Variants in ZNF223 observed in about 807,000 individuals in gnomAD.
The protein encoded by ZNF223 is Homo sapiens zinc finger protein 223.
ZNF223 carries 9 observed loss-of-function variants against 12.3 expected under a neutral mutation model. The observed-to-expected ratio is 0.73, with a 90% CI of 0.44 to 1.28. The LOEUF (loss-of-function observed/expected upper bound fraction) is 1.28. Among genes scored for constraint, ZNF223 ranks in the 50% most tolerant of loss-of-function variants. The probability of loss-of-function intolerance (pLI) is 0.00; values close to 1 mark genes in which losing one functional copy is unlikely to be tolerated. For synonymous variants in ZNF223, 171 were observed against 195.2 expected (o/e 0.88, Z 1.03); for missense variants, 506 against 579.0 (o/e 0.87, Z 1.29).
rs1215989501 is a variant in ZNF223 at position 44,067,435 on chromosome 19, T to C, written c.*158T>C. The C allele has an allele frequency of 8.5e-6, 8 of 936,604 alleles. No individual in the cohort carries two copies. Among genetic ancestry groups the C allele is most frequent in the Non-Finnish European group, 1.3e-5 (8 of 605,170 alleles). 58.0% of individuals were successfully genotyped at this position (936,604 alleles called of 1,614,324 possible). On this transcript the variant is annotated 3_prime_UTR_variant, in exon 5 of 5. Transcript: ENST00000434772. ...ATTGTTCCAGCAGTTTGAAAATAAA[T>C]TGTTGTCGATGATAGTCACCTTTAG...
rs1321631625 is a variant in ZNF223 at position 44,067,322 on chromosome 19, G to C, written c.*45G>C. On this transcript the variant is annotated 3_prime_UTR_variant, in exon 5 of 5. Transcript: ENST00000434772. ...GGTACAGTGTGATATTTAAATATAT[G>C]TATATGATGTATAATGATCAAATCA... The C allele has an allele frequency of 6.7e-7, 1 of 1,496,606 alleles. No homozygotes were observed. The highest frequency in any genetic ancestry group is 1.2e-5 in the South Asian group (1 of 84,920). 92.7% of individuals were successfully genotyped at this position (1,496,606 alleles called of 1,614,324 possible).
intron 2 of ZNF223, among the ~76,000 whole-genome samples, chr19:44,057,921 G>A (rs1419032972): frequency 1.3e-5 from 2 of 152,172 alleles, no homozygotes; most frequent in Non-Finnish European, 2.9e-5. Flanking sequence ...CAGCAGGCGA[G>A]CCCAGAAGCC....
chr19:44,053,998 CAGA>C (rs1976733620), intron 1 of ZNF223, among the ~76,000 whole-genome samples: 1 of 152,118 alleles, frequency 6.6e-6, no homozygotes, highest in African/African-American at 2.4e-5. Context: ...CATCTCAAGG[CAGA>C]AGAATTTTTC....
chr19:44,055,378 T>G (rs1251820962), intron 2 of ZNF223, among the ~76,000 whole-genome samples, 187 bp downstream of exon 2: 2 of 151,952 alleles, frequency 1.3e-5, no homozygotes, highest in Non-Finnish European at 2.9e-5. Context: ...TGTATCGAAC[T>G]TCTGACCTCA....
Position 44,066,447 on chromosome 19 carries a change from G to C in ZNF223, c.619G>C (p.Asp207His). Residue 207 changes from aspartate (D) to histidine (H), a missense_variant, in exon 5 of 5, where the codon GAC (aspartate) becomes CAC (histidine). Transcript: ENST00000434772. ...VHLGEKLFKC[D>H]VCGKEFSQSL... ...CCTGGGAGAGAAACTCTTTAAGTGTGACGTGTGTGGTAAGGAATTCAGTCA... is the reference window on the plus strand; with the variant it reads ...CCTGGGAGAGAAACTCTTTAAGTGTCACGTGTGTGGTAAGGAATTCAGTCA... 5 of 1,614,234 alleles carry C rather than the reference G, an allele frequency of 3.1e-6. No individual in the cohort carries two copies. The highest frequency in any genetic ancestry group is 2.2e-5 in the South Asian group (2 of 91,088).
intron 1 of ZNF223, among the ~76,000 whole-genome samples, chr19:44,052,545 A>G (rs1976715272): frequency 6.6e-6 from 1 of 152,194 alleles, no homozygotes; most frequent in Admixed American, 6.5e-5. Context: ...GTTGCCTGAT[A>G]TTTTAAAACG....
At position 44,066,093 on chromosome 19, in the gene ZNF223, T is replaced by G; in HGVS notation, c.265T>G (p.Phe89Val). ...CAAGATCCAACCTGAGATGAAGACT[T>G]TTCCAGAAGCAGGACCACATGAAGG... ...GGKIQPEMKT[F>V]PEAGPHEGWS... The change falls in exon 5 of 5, where the codon TTT (phenylalanine) becomes GTT (valine). Residue 89 changes from phenylalanine to valine, a missense_variant. Phe to Val is a conservative substitution (Grantham distance 50). Coordinates refer to ENST00000434772, the MANE Select transcript of ZNF223 (RefSeq NM_013361.6). The G allele has an allele frequency of 6.2e-7, 1 of 1,601,198 alleles. No individual in the cohort carries two copies. The highest frequency in any genetic ancestry group is 8.5e-7 in the Non-Finnish European group (1 of 1,175,956).
rs748028377 is a variant in ZNF223, at chr19:44,066,901, A to G, written c.1073A>G (p.Tyr358Cys). 2 of 1,614,064 alleles carry G rather than the reference A, an allele frequency of 1.2e-6. No homozygotes were observed. The highest frequency in any genetic ancestry group is 2.2e-5 in the South Asian group (2 of 91,092). The change falls in exon 5 of 5, where the codon TAT becomes TGT. Residue 358 changes from tyrosine (Y) to cysteine (C), a missense_variant. By Grantham distance (194) the Tyr-to-Cys change is radical. Coordinates refer to ENST00000434772, the MANE Select transcript of ZNF223 (RefSeq NM_013361.6). ...ECGKSFRRSS[Y>C]LLIHQRVHTG... ...GGGAAGAGCTTCAGACGGTCCTCCT[A>G]TCTTTTGATCCATCAGCGAGTCCAC...
At chr19:44,056,585 A>ATTTTTTTTTTTTTTTTTTTTTTTTTTTT (rs775187674) in intron 2 of ZNF223, among the ~76,000 whole-genome samples, 2 of 72,158 alleles carry the variant, frequency 2.8e-5, no homozygotes, top group African/African-American at 1.3e-4. Flanking sequence ...ATGCCTCACC[A>ATTTTTTTTTTTTTTTTTTTTTTTTTTTT]TTTTTTTTTT....
At chr19:44,055,964 G>C (rs1313904898) in intron 2 of ZNF223, among the ~76,000 whole-genome samples, 2 of 152,152 alleles carry the variant, frequency 1.3e-5, no homozygotes, top group Non-Finnish European at 2.9e-5. Context: ...TTCTGCTCAA[G>C]TGAAAGAGAG....
At position 44,061,066 on chromosome 19, in the gene ZNF223, C is replaced by T. The variant is rs561017536; in HGVS notation, c.235+225C>T. The T allele has an allele frequency of 2.2e-4, 107 of 493,950 alleles. 1 individual carries two copies. The highest frequency in any genetic ancestry group is 1.9e-3 in the African/African-American group (100 of 51,880). 30.6% of individuals were successfully genotyped at this position (493,950 alleles called of 1,614,324 possible). ...ACATGGATGTCAGATTGTCATTCCTCAGCTTAAGAGCCTTTCTGTCTTCTT... is the reference window on the plus strand; with the variant it reads ...ACATGGATGTCAGATTGTCATTCCTTAGCTTAAGAGCCTTTCTGTCTTCTT... On this transcript the variant is annotated intron_variant, in intron 4 of 4. Coordinates refer to ENST00000434772, the MANE Select transcript of ZNF223 (RefSeq NM_013361.6).
chr19:44,067,400 T>C lies in ZNF223; in HGVS notation c.*123T>C. Reference sequence around the variant, plus strand: ...TTATCTCTTTTTTGTGTTGAGAAAATTAAAAATTCATTGTTCCAGCAGTTT... The same window carrying C: ...TTATCTCTTTTTTGTGTTGAGAAAACTAAAAATTCATTGTTCCAGCAGTTT... On this transcript the variant is annotated 3_prime_UTR_variant, in exon 5 of 5. Coordinates refer to ENST00000434772, the MANE Select transcript of ZNF223 (RefSeq NM_013361.6). The C allele has an allele frequency of 8.5e-7, 1 of 1,169,870 alleles. No homozygotes were observed. The highest frequency in any genetic ancestry group is 1.2e-6 in the Non-Finnish European group (1 of 811,626). 72.5% of individuals were successfully genotyped at this position (1,169,870 alleles called of 1,614,324 possible).
At chr19:44,055,883 TCTC>T (rs1169308739) in intron 2 of ZNF223, among the ~76,000 whole-genome samples, 1 of 152,140 alleles carries the variant, frequency 6.6e-6, no homozygotes, top group Admixed American at 6.5e-5. Flanking sequence ...CCTGATCTCT[TCTC>T]CTAAACTCAT....
chr19:44,066,579 T>G lies in ZNF223; in HGVS notation c.751T>G (p.Cys251Gly), dbSNP rs1976917642. The change falls in exon 5 of 5, where the codon TGC (cysteine) becomes GGC (glycine). Residue 251 changes from cysteine to glycine, a missense_variant. Coordinates refer to ENST00000434772, the MANE Select transcript of ZNF223 (RefSeq NM_013361.6). ...ATGTAGATCAGCACTTACAGTTCAT[T>G]GCAAATTACACATGGGAGAGAAACA... ...FRCRSALTVH[C>G]KLHMGEKHYN... 6.2e-7 allele frequency: 1 copy of G among 1,614,140 alleles called. No individual in the cohort carries two copies. Among genetic ancestry groups the G allele is most frequent in the Non-Finnish European group, 8.5e-7 (1 of 1,180,014 alleles).
At chr19:44,056,834 A>T (rs1460605414) in intron 2 of ZNF223, among the ~76,000 whole-genome samples, 1 of 151,834 alleles carries the variant, frequency 6.6e-6, no homozygotes, top group East Asian at 1.9e-4. Flanking sequence ...TGACCTCATG[A>T]TCTGCCTGCC....
chr19:44,067,641 G>A lies in ZNF223; in HGVS notation c.*364G>A. 1 of 406,260 alleles carries A rather than the reference G, an allele frequency of 2.5e-6. No homozygotes were observed. The highest frequency in any genetic ancestry group is 4.8e-6 in the Non-Finnish European group (1 of 209,134). The allele number at this position is 406,260 out of a possible 1,614,324, so 25.2% of individuals were successfully genotyped here. The stretch of plus-strand genomic sequence containing the variant: ...TGATTGAGGACAGTTTGAAGTTAGT[G>A]TTTCAGCCATAGCTCAGCATACCCC... On this transcript the variant is annotated 3_prime_UTR_variant, in exon 5 of 5. Transcript: ENST00000434772.
At chr19:44,056,585 A>ATTTTTTTTTTTTTTT (rs775187674) in intron 2 of ZNF223, among the ~76,000 whole-genome samples, 6 of 72,158 alleles carry the variant, frequency 8.3e-5, no homozygotes, top group African/African-American at 4.0e-4. Context: ...ATGCCTCACC[A>ATTTTTTTTTTTTTTT]TTTTTTTTTT....
chr19:44,066,593 G>A lies in ZNF223; in HGVS notation c.765G>A (p.Met255Ile), dbSNP rs964256995. The change falls in exon 5 of 5, where the codon ATG becomes ATA. Residue 255 changes from methionine (M) to isoleucine (I), a missense_variant. By Grantham distance (10) the Met-to-Ile change is conservative (BLOSUM62 1). Transcript: ENST00000434772. The part of the protein sequence containing the change: ...SALTVHCKLH[M>I]GEKHYNCEAC... ...TTACAGTTCATTGCAAATTACACAT[G>A]GGAGAGAAACATTATAATTGTGAGG... 6.2e-7 allele frequency: 1 copy of A among 1,613,984 alleles called. No individual in the cohort carries two copies. Among genetic ancestry groups the A allele is most frequent in the South Asian group, 1.1e-5 (1 of 91,080 alleles).
chr19:44,063,101 A>G (rs1306549980), intron 4 of ZNF223, among the ~76,000 whole-genome samples: 1 of 152,232 alleles, frequency 6.6e-6, no homozygotes, highest in Non-Finnish European at 1.5e-5. Flanking sequence ...AAATAGAAAC[A>G]TCCTGAGACC....
Sources: allele counts gnomAD v4.1 joint callset (sites outside exome capture counted in the v4.1 genomes callset), GRCh38; gene constraint gnomAD v4.1.1; transcripts MANE v1.5; gene names NCBI Gene and HGNC (gene_info 2026-07-23, HGNC 2026-07-21).